DZIP1L: variants seen among roughly 807,000 people sequenced by gnomAD.
DZIP1L encodes DAZ interacting zinc finger protein 1 like, also known as cilium assembly protein DZIP1L.
Under a neutral mutation model 88.7 loss-of-function variants are expected in DZIP1L, and 90 were observed. The observed-to-expected ratio is 1.02, with a 90% CI of 0.86 to 1.21. The LOEUF is 1.21. Among genes scored for constraint, DZIP1L ranks in the 50% most tolerant of loss-of-function variants. The pLI, the probability that DZIP1L is intolerant of heterozygous loss-of-function variation, is 0.00. For synonymous variants in DZIP1L, 363 were observed against 372.1 expected (o/e 0.98, Z 0.28); for missense variants, 932 against 955.8 (o/e 0.98, Z 0.33).
At chr3:138,083,379 C>T (rs1018462301) in intron 8 of DZIP1L, among the ~76,000 whole-genome samples, 2 of 152,118 alleles carry the variant, frequency 1.3e-5, no homozygotes, top group Non-Finnish European at 2.9e-5. Flanking sequence ...GTGCTCAGCC[C>T]AGGGAAGCTG....
chr3:138,083,060 C>A (rs1227125213), intron 8 of DZIP1L, among the ~76,000 whole-genome samples: 4 of 152,196 alleles, frequency 2.6e-5, no homozygotes, highest in African/African-American at 9.7e-5. Context: ...AAATAATAGC[C>A]CCTAATAGAC....
At chr3:138,068,486 T>A in intron 12 of DZIP1L, 119 bp from the exon 13 acceptor site, 1 of 715,888 alleles carries the variant, frequency 1.4e-6, no homozygotes, top group Non-Finnish European at 2.1e-6. Context: ...CTCCGTGCTG[T>A]AATAACCACA....
At chr3:138,105,139 G>A (rs1246715228) in intron 1 of DZIP1L, among the ~76,000 whole-genome samples, 1 of 151,794 alleles carries the variant, frequency 6.6e-6, no homozygotes, top group Non-Finnish European at 1.5e-5. Context: ...CACAAAATAG[G>A]CATATATACC....
In DZIP1L at chr3:138,067,546, G is replaced by C. The variant is rs747991781; in HGVS notation, c.1987C>G (p.Pro663Ala). Reference sequence around the variant, plus strand: ...GCCAGCTCACCTGAGCCCTGGCCAGGGGGCTGGGCATTCTCCTCCGAGGTC... The same window carrying C: ...GCCAGCTCACCTGAGCCCTGGCCAGCGGGCTGGGCATTCTCCTCCGAGGTC... Reference protein sequence around the residue: ...TETSEENAQPPGQGSGTLVQS... With the variant: ...TETSEENAQPAGQGSGTLVQS... Residue 663 changes from proline to alanine, a missense_variant, in exon 14 of 16, where the codon CCT becomes GCT. Coordinates refer to ENST00000327532, the MANE Select transcript of DZIP1L (RefSeq NM_173543.3). 9 of 1,606,684 alleles carry C rather than the reference G, an allele frequency of 5.6e-6. No homozygotes were observed. In the South Asian group the frequency reaches 1.0e-4, roughly 18 times the overall value.
chr3:138,102,256 T>A (rs1328711233), intron 2 of DZIP1L: 8 of 1,435,956 alleles, frequency 5.6e-6, no homozygotes, highest in Non-Finnish European at 7.8e-6. Context: ...AGGAAGTTGA[T>A]CTCGTCAGTC....
chr3:138,081,904 A>C, intron 8 of DZIP1L, 140 bp from the exon 9 acceptor site: 24 of 703,154 alleles, frequency 3.4e-5, no homozygotes, highest in Non-Finnish European at 3.8e-5. Context: ...GAAGGAGCTC[A>C]GATGCACCAC....
At chr3:138,094,098 G>A (rs1251961580) in intron 4 of DZIP1L, among the ~76,000 whole-genome samples, 2 of 152,112 alleles carry the variant, frequency 1.3e-5, no homozygotes, top group East Asian at 3.9e-4. Flanking sequence ...GTTTAAGTTT[G>A]CCATCTTATA....
In DZIP1L at chr3:138,063,555, C is replaced by A. The variant is rs1942773134; in HGVS notation, c.2143-578G>T. Among the ~76,000 whole-genome samples, 1 of 152,312 alleles carries A rather than the reference C, an allele frequency of 6.6e-6. No homozygotes were observed. Among genetic ancestry groups the A allele is most frequent in the Middle Eastern group, 3.4e-3 (1 of 294 alleles). ...CTGACCACAGCCACCTGCGTAGCAG[C>A]CCAGGCTTTCCCCTCTGGAGTCCTC... On this transcript the variant is annotated intron_variant, in intron 15 of 15. Transcript: ENST00000327532. This position sits in a 1 kb window ranked among gnomAD's most constrained non-coding sequence, Gnocchi z 4.1.
intron 1 of DZIP1L, among the ~76,000 whole-genome samples, chr3:138,106,250 T>C (rs2042486340): frequency 6.8e-6 from 1 of 146,296 alleles, no homozygotes; most frequent in Non-Finnish European, 1.5e-5. Context: ...GCAATTCTCC[T>C]GCCTCAGCCT....
intron 6 of DZIP1L, among the ~76,000 whole-genome samples, chr3:138,087,268 T>C (rs981220434): frequency 1.3e-4 from 20 of 152,222 alleles, no homozygotes; most frequent in African/African-American, 4.8e-4. Context: ...GGATCCTTAT[T>C]ACACATCTTA....
chr3:138,069,724 C>T (rs866229320), intron 12 of DZIP1L, among the ~76,000 whole-genome samples: 28 of 152,282 alleles, frequency 1.8e-4, no homozygotes, highest in African/African-American at 5.1e-4. Flanking sequence ...GTGGTGAATA[C>T]AAACCCAGGT....
chr3:138,097,564 T>G (rs1448121365), intron 3 of DZIP1L, among the ~76,000 whole-genome samples, 199 bp downstream of exon 3: 1 of 152,216 alleles, frequency 6.6e-6, no homozygotes, highest in Non-Finnish European at 1.5e-5. Flanking sequence ...CTCCCAGCCC[T>G]TCTTTACACG....
intron 2 of DZIP1L, chr3:138,101,651 C>T: frequency 2.5e-6 from 2 of 794,172 alleles, no homozygotes; most frequent in African/African-American, 3.3e-5. Flanking sequence ...GTGAGGCCCC[C>T]ATAGGCCGAG....
intron 15 of DZIP1L, chr3:138,064,370 G>A: frequency 7.5e-7 from 1 of 1,326,202 alleles, no homozygotes. Context: ...CGAGAGGCAG[G>A]AGATGGGACA....
At position 138,062,676 on chromosome 3, in the gene DZIP1L, T is replaced by C; in HGVS notation, c.*140A>G. ...GTCAGGAGGGATGAGATCATATCCA[T>C]TCCCTGCACTGCTTCTCTCCAAGAG... On this transcript the variant is annotated 3_prime_UTR_variant, in exon 16 of 16. Transcript: ENST00000327532. 1 of 1,011,432 alleles carries C rather than the reference T, an allele frequency of 9.9e-7. No homozygotes were observed. Among genetic ancestry groups the C allele is most frequent in the Non-Finnish European group, 1.5e-6 (1 of 684,182 alleles). The allele number at this position is 1,011,432 out of a possible 1,614,324, so 62.7% of individuals were successfully genotyped here. A position where few individuals can be genotyped will look rare whatever the true frequency, so the allele number is the denominator to read the frequency against.
chr3:138,089,958 C>G (rs1313745600), intron 5 of DZIP1L, among the ~76,000 whole-genome samples: 1 of 151,954 alleles, frequency 6.6e-6, no homozygotes, highest in African/African-American at 2.4e-5. Context: ...GCCTGGGTAA[C>G]ATGGCGAAAC....
intron 4 of DZIP1L, among the ~76,000 whole-genome samples, chr3:138,093,648 T>G (rs79751887): frequency 1.3e-5 from 2 of 152,272 alleles, no homozygotes; most frequent in Non-Finnish European, 2.9e-5. Context: ...GATAACTTGC[T>G]GCAGCTTCTA....
At position 138,084,109 on chromosome 3, in the gene DZIP1L, C is replaced by T; in HGVS notation, c.1203+4G>A. The T allele has an allele frequency of 6.2e-7, 1 of 1,613,320 alleles. No homozygotes were observed. Among genetic ancestry groups the T allele is most frequent in the Non-Finnish European group, 8.5e-7 (1 of 1,179,616 alleles). ...GGCCTGGCTGAAAGGAAGGGCAGAC[C>T]TACCATCTCCTCCTGGGAGGCAATG... On this transcript the variant is annotated splice_donor_region_variant and intron_variant, in intron 8 of 15. Transcript: ENST00000327532.
At position 138,108,169 on chromosome 3, in the gene DZIP1L, G is replaced by C. The variant is rs994994653; in HGVS notation, c.-81-4117C>G. The C allele has an allele frequency of 4.1e-6, 4 of 984,892 alleles. No individual in the cohort carries two copies. In the Admixed American group the frequency reaches 2.5e-4, roughly 61 times the overall value. The allele number at this position is 984,892 out of a possible 1,614,324, so 61.0% of individuals were successfully genotyped here. A position where few individuals can be genotyped will look rare whatever the true frequency, so the allele number is the denominator to read the frequency against. ...TGGCTAATTTTTTGTATTTTGAGTAGAGATGGGTGACATGATACTCACCAT... is the reference window on the plus strand; with the variant it reads ...TGGCTAATTTTTTGTATTTTGAGTACAGATGGGTGACATGATACTCACCAT... On this transcript the variant is annotated intron_variant, in intron 1 of 15. Transcript: ENST00000327532.
Sources: allele counts gnomAD v4.1 joint callset (sites outside exome capture counted in the v4.1 genomes callset), GRCh38; gene constraint gnomAD v4.1.1; non-coding constraint Gnocchi (gnomAD v3.1); transcripts MANE v1.5; gene names NCBI Gene and HGNC (gene_info 2026-07-23, HGNC 2026-07-21).